Variants in CCDC63 observed in about 807,000 individuals in gnomAD.
CCDC63 encodes the protein coiled-coil domain-containing protein 63.
Under a neutral mutation model 63.6 loss-of-function variants are expected in CCDC63, and 54 were observed. The observed-to-expected ratio is 0.85, with a 90% confidence interval of 0.68 to 1.07. The LOEUF (loss-of-function observed/expected upper bound fraction) is 1.07. Among genes scored for constraint, CCDC63 ranks in the 50% least tolerant of loss-of-function variants. The pLI, the probability that CCDC63 is intolerant of heterozygous loss-of-function variation, is 0.00. For missense variants in CCDC63, 637 were observed against 689.6 expected, an observed-to-expected ratio of 0.92 and a Z score of 0.86; for synonymous variants, 253 against 266.1, an observed-to-expected ratio of 0.95 and a Z score of 0.48.
intron 5 of CCDC63, 141 bp downstream of exon 5, chr12:110,874,102 G>A: frequency 8.8e-7 from 1 of 1,139,112 alleles, no homozygotes; most frequent in Non-Finnish European, 1.2e-6. Context: ...GGCCACACAG[G>A]CCAGGAAGCC....
Position 110,858,549 on chromosome 12 carries a change from G to C in CCDC63, c.180-37G>C, listed in dbSNP as rs768662428. On this transcript the variant is annotated intron_variant, in intron 3 of 11. Coordinates refer to ENST00000308208, the MANE Select transcript of CCDC63 (RefSeq NM_152591.3). Reference sequence around the variant, plus strand: ...GGAGTGCTCCGTCAAGTTAAACTTAGGGGTTTGGGGTTAATCATGGGCTGC... The same window carrying C: ...GGAGTGCTCCGTCAAGTTAAACTTACGGGTTTGGGGTTAATCATGGGCTGC... The C allele has an allele frequency of 2.5e-6, 4 of 1,574,330 alleles. No individual in the cohort carries two copies. The South Asian group carries it at 3.5e-5, about 14-fold the overall frequency.
At chr12:110,868,297 A>G (rs1307324344) in intron 4 of CCDC63, among the ~76,000 whole-genome samples, 1 of 126,136 alleles carries the variant, frequency 7.9e-6, no homozygotes, top group African/African-American at 3.2e-5. Flanking sequence ...ATGGGCAGCC[A>G]GGCAGAGACG....
At chr12:110,854,597 G>T (rs1297885443) in intron 3 of CCDC63, among the ~76,000 whole-genome samples, 3 of 151,634 alleles carry the variant, frequency 2.0e-5, no homozygotes, top group African/African-American at 4.8e-5. Context: ...GCCCAGCTGT[G>T]TGTATCATTT....
chr12:110,845,364 T>C (rs1158029528), upstream of CCDC63, among the ~76,000 whole-genome samples: 1 of 152,112 alleles, frequency 6.6e-6, no homozygotes, highest in East Asian at 1.9e-4. Context: ...GTGGTTTCAG[T>C]CAGGGTGTGG....
chr12:110,894,255 C>A (rs1373477790), intron 9 of CCDC63, among the ~76,000 whole-genome samples: 3 of 152,136 alleles, frequency 2.0e-5, no homozygotes, highest in Non-Finnish European at 4.4e-5. Context: ...CTTAAAAGTG[C>A]CTTCCCAGAA....
rs147506764 is a variant in CCDC63 at position 110,853,014 on chromosome 12, C to T, written c.9+51C>T. ...AGAGCACCTACTATGGGGTCAGGCACTGTGCCATCCACTTTACACGTTAGC... is the reference window on the plus strand; with the variant it reads ...AGAGCACCTACTATGGGGTCAGGCATTGTGCCATCCACTTTACACGTTAGC... On this transcript the variant is annotated intron_variant, in intron 2 of 11. Transcript: ENST00000308208. 5.8e-4 allele frequency: 912 copies of T among 1,579,872 alleles called. 10 individuals carry two copies. In the East Asian group the frequency reaches 0.019, roughly 33 times the overall value.
chr12:110,904,809 C>A lies in CCDC63; in HGVS notation c.1546+18C>A. 6.3e-7 allele frequency: 1 copy of A among 1,581,466 alleles called. No homozygotes were observed. The highest frequency in any genetic ancestry group is 1.1e-5 in the South Asian group (1 of 87,210). On this transcript the variant is annotated intron_variant, in intron 11 of 11. Coordinates refer to ENST00000308208, the MANE Select transcript of CCDC63 (RefSeq NM_152591.3). ...GGATGATGGTGAGTTCTCTCTCTCT[C>A]AATCTGCACAGGTTGCTAGGGAACC...
chr12:110,867,505 G>A (rs1156814442), intron 4 of CCDC63, among the ~76,000 whole-genome samples: 1 of 113,142 alleles, frequency 8.8e-6, no homozygotes, highest in African/African-American at 3.7e-5. Context: ...CTCCGGGATG[G>A]GGCGGCTGGC....
intron 9 of CCDC63, among the ~76,000 whole-genome samples, chr12:110,894,303 C>T (rs931620258): frequency 6.6e-6 from 1 of 152,182 alleles, no homozygotes; most frequent in African/African-American, 2.4e-5. Flanking sequence ...ACTTCATTGG[C>T]CACCCCTATT....
chr12:110,865,311 C>G (rs1408797360), intron 4 of CCDC63, among the ~76,000 whole-genome samples: 1 of 152,078 alleles, frequency 6.6e-6, no homozygotes, highest in Non-Finnish European at 1.5e-5. Context: ...CGCTGTGGCT[C>G]CATGACTCTA....
chr12:110,893,505 G>C (rs930861515), intron 9 of CCDC63, among the ~76,000 whole-genome samples: 2 of 151,998 alleles, frequency 1.3e-5, no homozygotes, highest in Non-Finnish European at 2.9e-5. Flanking sequence ...CCCTTGTCCT[G>C]CCTGTGCCCT....
At chr12:110,864,739 T>C (rs2070917753) in intron 4 of CCDC63, among the ~76,000 whole-genome samples, 1 of 152,102 alleles carries the variant, frequency 6.6e-6, no homozygotes, top group Non-Finnish European at 1.5e-5. Context: ...TAAAATGTTT[T>C]CCACTCGGCT....
intron 5 of CCDC63, 90 bp from the exon 6 acceptor site, chr12:110,879,816 C>A (rs1243060067): frequency 1.5e-6 from 2 of 1,292,626 alleles, no homozygotes; most frequent in African/African-American, 1.5e-5. Context: ...TGAGGTGGGG[C>A]AAAGACCTGA....
intron 1 of CCDC63, 64 bp from the exon 2 acceptor site, chr12:110,852,795 G>A (rs7952822): frequency 0.061 from 64,964 of 1,069,722 alleles, 2,838 homozygotes; most frequent in African/African-American, 0.19. Context: ...AGGAGGTGCC[G>A]TTCTGACCTG....
chr12:110,893,190 G>A, intron 9 of CCDC63, 40 bp downstream of exon 9: 1 of 1,532,968 alleles, frequency 6.5e-7, no homozygotes, highest in Non-Finnish European at 9.0e-7. Flanking sequence ...GGGAGCTTCT[G>A]TTGTCTGTCT....
rs118173552 is a variant in CCDC63 at position 110,892,079 on chromosome 12, C to G, written c.1075-997C>G. The stretch of plus-strand genomic sequence containing the variant: ...CATTCTTAGGCCCCACCCAGACCAA[C>G]AGAATCGGAAGCCCTGGGCATGGGT... On this transcript the variant is annotated intron_variant, in intron 8 of 11. Coordinates refer to ENST00000308208, the MANE Select transcript of CCDC63 (RefSeq NM_152591.3). 2.1e-3 allele frequency among the ~76,000 whole-genome samples: 326 copies of G among 152,286 alleles called. 5 individuals carry two copies. Among genetic ancestry groups the G allele is most frequent in the East Asian group, 0.016 (83 of 5,188 alleles).
chr12:110,845,744 A>C (rs1328938644), upstream of CCDC63: 1 of 150,904 alleles, frequency 6.6e-6, no homozygotes, highest in Non-Finnish European at 1.5e-5. Flanking sequence ...TCTTTCTGAA[A>C]CCAAAAACAT....
chr12:110,873,936 A>G lies in CCDC63; in HGVS notation c.464A>G (p.His155Arg), dbSNP rs750906197. The change falls in exon 5 of 12, where the codon CAC (histidine) becomes CGC (arginine). Residue 155 changes from histidine (H) to arginine (R), a missense_variant. Transcript: ENST00000308208. Reference protein sequence around the residue: ...NNPRKLQKQIHILETRLNLVT... With the variant: ...NNPRKLQKQIRILETRLNLVT... ...CCCCGGAAACTGCAGAAACAGATTC[A>G]CATTTTGGAAACCCGTTTGAATCTC... 3.1e-6 allele frequency: 5 copies of G among 1,611,908 alleles called. No homozygotes were observed. Among genetic ancestry groups the G allele is most frequent in the South Asian group, 1.1e-5 (1 of 90,818 alleles).
intron 8 of CCDC63, among the ~76,000 whole-genome samples, chr12:110,890,778 T>TTC (rs1566135747): frequency 1.4e-5 from 2 of 144,552 alleles, no homozygotes; most frequent in African/African-American, 5.2e-5. Flanking sequence ...CTTTTCTTTT[T>TTC]TTTTTTTTTT....
Sources: allele counts gnomAD v4.1 joint callset (sites outside exome capture counted in the v4.1 genomes callset), GRCh38; gene constraint gnomAD v4.1.1; transcripts MANE v1.5; gene names NCBI Gene and HGNC (gene_info 2026-07-23, HGNC 2026-07-21).